The following TRIM28 variants were observed in gnomAD, a reference collection of about 807,000 sequenced individuals.
The protein encoded by TRIM28 is tripartite motif containing 28.
A neutral mutation model predicts 87.4 loss-of-function variants in TRIM28; 8 were observed. The observed-to-expected ratio is 0.09, with a 90% CI of 0.05 to 0.17. TRIM28 has a LOEUF of 0.17. Among genes scored for constraint, TRIM28 ranks in the 10% least tolerant of loss-of-function variants. The pLI is 1.00. For synonymous variants in TRIM28, 601 were observed against 454.3 expected, an observed-to-expected ratio of 1.32 and a Z score of -4.11; for missense variants, 968 against 1,131.8, an observed-to-expected ratio of 0.86 and a Z score of 2.08.
Position 58,549,680 on chromosome 19 carries a change from T to C in TRIM28, c.1982+30T>C, listed in dbSNP as rs956720963. The C allele has an allele frequency of 6.2e-7, 1 of 1,603,478 alleles. No homozygotes were observed. Among genetic ancestry groups the C allele is most frequent in the Non-Finnish European group, 8.5e-7 (1 of 1,172,312 alleles). On this transcript the variant is annotated intron_variant, in intron 13 of 16. Coordinates refer to ENST00000253024, the MANE Select transcript of TRIM28 (RefSeq NM_005762.3). The surrounding 1 kb of genome is among the most constrained non-coding windows in gnomAD (Gnocchi z 4.4). ...GTGTGAGGCTGGTGGGGGTCAAGTC[T>C]GGGTGTTGGGCTGTCTGGACAGGAT...
chr19:58,545,134 C>T (rs750919411), intron 1 of TRIM28, 37 bp downstream of exon 1: 381 of 1,385,200 alleles, frequency 2.8e-4, no homozygotes, highest in Non-Finnish European at 3.4e-4. Flanking sequence ...CCTCCCCCTA[C>T]TCTCTGCCTT....
Position 58,544,123 on chromosome 19 carries a change from G to A in TRIM28, c.-635G>A, listed in dbSNP as rs1282156790. On this transcript the variant is annotated 5_prime_UTR_variant, in exon 1 of 17. Coordinates refer to ENST00000253024, the MANE Select transcript of TRIM28 (RefSeq NM_005762.3). ...CGAAGAGACGCGGGTTGAGGAAGAG[G>A]GACGGATTGCCCATGCGCTTGGGCG... 2.0e-5 allele frequency: 3 copies of A among 152,512 alleles called. No homozygotes were observed. The highest frequency in any genetic ancestry group is 4.4e-5 in the Non-Finnish European group (3 of 68,256). The allele number at this position is 152,512 out of a possible 1,614,324, so 9.4% of individuals were successfully genotyped here.
intron 2 of TRIM28, 48 bp from the exon 3 acceptor site, chr19:58,545,716 G>A (rs1298629139): frequency 4.4e-6 from 7 of 1,583,356 alleles, no homozygotes; most frequent in Non-Finnish European, 5.2e-6. Flanking sequence ...TGTAAACGTG[G>A]ATCTATCAAG....
Position 58,548,100 on chromosome 19 carries a change from C to T in TRIM28, c.1021C>T (p.His341Tyr). 2 of 1,614,234 alleles carry T rather than the reference C, an allele frequency of 1.2e-6. No individual in the cohort carries two copies. Among genetic ancestry groups the T allele is most frequent in the Non-Finnish European group, 1.7e-6 (2 of 1,180,034 alleles). The change falls in exon 7 of 17, where the codon CAC (histidine) becomes TAC (tyrosine). Residue 341 changes from histidine (H) to tyrosine (Y), a missense_variant. This residue lies in a region of TRIM28 where 84 missense variants were observed against 139.9 expected (regional missense o/e 0.60). Transcript: ENST00000253024. Reference sequence around the variant, plus strand: ...CTGGACCATGACCAAGATCCAGAAGCACCAGGAGCACATTCTGCGCTTTGC... The same window carrying T: ...CTGGACCATGACCAAGATCCAGAAGTACCAGGAGCACATTCTGCGCTTTGC... The part of the protein sequence containing the change: ...QHWTMTKIQK[H>Y]QEHILRFASW...
At chr19:58,547,571 T>C (rs1462088815) in intron 4 of TRIM28, 26 bp from the exon 5 acceptor site, 1 of 1,613,684 alleles carries the variant, frequency 6.2e-7, no homozygotes, top group Non-Finnish European at 8.5e-7. Context: ...AGCTTAGTGC[T>C]CAGGAACACA....
rs2053782262 is a variant in TRIM28 at position 58,548,553 on chromosome 19, C to T, written c.1284C>T (p.Ala428=). The T allele has an allele frequency of 1.2e-6, 2 of 1,613,866 alleles. No individual in the cohort carries two copies. The highest frequency in any genetic ancestry group is 2.2e-5 in the East Asian group (1 of 44,864). The change falls in exon 9 of 17, where the codon GCC becomes GCT. Residue 428 remains alanine (A), a synonymous_variant. Coordinates refer to ENST00000253024, the MANE Select transcript of TRIM28 (RefSeq NM_005762.3). ...TGPAPMAPPR[A]PGPLSKQGSG... ...CTGCACCCATGGCCCCTCCAAGAGC[C>T]CCAGGGCCCCTGAGCAAGCAGGGCT...
rs1414934879 is a variant in TRIM28 at position 58,544,880 on chromosome 19, G to GGCCTCT, written c.129_134dup (p.Ser45_Ala46dup). 7.4e-7 allele frequency: 1 copy of GGCCTCT among 1,344,034 alleles called. No individual in the cohort carries two copies. Among genetic ancestry groups the GGCCTCT allele is most frequent in the African/African-American group, 1.5e-5 (1 of 64,724 alleles). 83.3% of individuals were successfully genotyped at this position (1,344,034 alleles called of 1,614,324 possible). ...CCACCGCCCCTTCGGCCGCAGCCTC[G>GGCCTCT]GCCTCTGCCTCAGCCGCGGCGTCGT... On this transcript the variant is annotated inframe_insertion, in exon 1 of 17. Coordinates refer to ENST00000253024, the MANE Select transcript of TRIM28 (RefSeq NM_005762.3).
intron 2 of TRIM28, 41 bp from the exon 3 acceptor site, chr19:58,545,723 C>A (rs777669571): frequency 6.3e-7 from 1 of 1,585,836 alleles, no homozygotes; most frequent in South Asian, 1.1e-5. Context: ...GTGGATCTAT[C>A]AAGTTGTCTT....
intron 9 of TRIM28, 28 bp downstream of exon 9, chr19:58,548,620 G>A: frequency 1.2e-6 from 2 of 1,610,620 alleles, no homozygotes; most frequent in Non-Finnish European, 1.7e-6. Context: ...CCCAGGAAGG[G>A]GTGGGCAGGG....
chr19:58,546,967 T>C (rs886748541), intron 3 of TRIM28, among the ~76,000 whole-genome samples: 1 of 149,252 alleles, frequency 6.7e-6, no homozygotes, highest in Admixed American at 6.8e-5. Context: ...AAGTTAACCA[T>C]GAAAGGAGAA....
At chr19:58,545,328 C>T (rs1019661276) in intron 1 of TRIM28, 97 bp from the exon 2 acceptor site, 3 of 1,055,042 alleles carry the variant, frequency 2.8e-6, no homozygotes, top group Non-Finnish European at 4.2e-6. Flanking sequence ...TGGTTCGCTG[C>T]GGGATAATGG....
intron 2 of TRIM28, 105 bp from the exon 3 acceptor site, chr19:58,545,659 G>A (rs891494749): frequency 9.1e-6 from 14 of 1,541,456 alleles, no homozygotes; most frequent in African/African-American, 1.4e-5. Flanking sequence ...GGCTGCCTAG[G>A]TTGGGTCAAG....
rs202134502 is a variant in TRIM28 at position 58,547,420 on chromosome 19, G to A, written c.631G>A (p.Val211Ile). ...RDGERTVYCN[V>I]HKHEPLVLFC... is the part of the protein sequence containing the mutation. ...TGGTGAACGTACTGTCTATTGCAAC[G>A]TACACAAGCATGAACCCCTTGTGCT... Residue 211 changes from valine (V) to isoleucine (I), a missense_variant, in exon 4 of 17, where the codon GTA becomes ATA. This residue lies in a region of TRIM28 where 103 missense variants were observed against 139.0 expected (regional missense o/e 0.74). Transcript: ENST00000253024. 1.3e-5 allele frequency: 21 copies of A among 1,614,026 alleles called. No individual in the cohort carries two copies. Among genetic ancestry groups the A allele is most frequent in the South Asian group, 3.3e-5 (3 of 91,078 alleles).
rs750940640 is a variant in TRIM28, at chr19:58,547,788, C to T, written c.840-4C>T. The stretch of plus-strand genomic sequence containing the variant: ...TACCTAGCCTGACCTGCTGTGTCCC[C>T]TAGAATCCGCCAGGTGTCTGACGTA... On this transcript the variant is annotated splice_region_variant and splice_polypyrimidine_tract_variant and intron_variant, in intron 5 of 16. Coordinates refer to ENST00000253024, the MANE Select transcript of TRIM28 (RefSeq NM_005762.3). The T allele has an allele frequency of 6.2e-7, 1 of 1,613,964 alleles. No homozygotes were observed. Among genetic ancestry groups the T allele is most frequent in the African/African-American group, 1.3e-5 (1 of 74,906 alleles).
In TRIM28 at chr19:58,548,315, G is replaced by C. The variant is rs2053779701; in HGVS notation, c.1123G>C (p.Ala375Pro). The C allele has an allele frequency of 6.2e-7, 1 of 1,613,978 alleles. No individual in the cohort carries two copies. The highest frequency in any genetic ancestry group is 1.7e-5 in the Admixed American group (1 of 59,992). ...KKLIYFQLHR[A>P]LKMIVDPVEP... ...CCAGATCTACTTCCAGCTGCACCGG[G>C]CCCTCAAGATGATTGTGGATCCCGT... The change falls in exon 8 of 17, where the codon GCC (alanine) becomes CCC (proline). Residue 375 changes from alanine (A) to proline (P), a missense_variant. Around this residue, in one of 11 missense-constraint regions of TRIM28, gnomAD observed 84 missense variants for 139.9 expected, o/e 0.60. Transcript: ENST00000253024.
At chr19:58,546,831 T>C (rs746761373) in intron 3 of TRIM28, among the ~76,000 whole-genome samples, 66 of 152,240 alleles carry the variant, frequency 4.3e-4, no homozygotes, top group Non-Finnish European at 7.4e-4. Context: ...AGAGGGGGTG[T>C]GACCACCATT....
chr19:58,547,722 G>T lies in TRIM28; in HGVS notation c.839+9G>T. ...AAGGAGGTTCGCAGCTCGTAAGTGT[G>T]GGTTCTGGGGCTGTGGGGGTGGCCC... On this transcript the variant is annotated intron_variant, in intron 5 of 16. Coordinates refer to ENST00000253024, the MANE Select transcript of TRIM28 (RefSeq NM_005762.3). 2 of 1,614,106 alleles carry T rather than the reference G, an allele frequency of 1.2e-6. No individual in the cohort carries two copies. The highest frequency in any genetic ancestry group is 1.7e-6 in the Non-Finnish European group (2 of 1,180,008).
chr19:58,545,297 AG>A, intron 1 of TRIM28, 127 bp from the exon 2 acceptor site: 1 of 925,590 alleles, frequency 1.1e-6, no homozygotes, highest in Non-Finnish European at 1.7e-6. Flanking sequence ...GGAGAAAAGA[AG>A]GCTCGGGGAG....
rs1369901253 is a variant in TRIM28, at chr19:58,548,996, C to T, written c.1418C>T (p.Ser473Leu). 2 of 1,614,070 alleles carry T rather than the reference C, an allele frequency of 1.2e-6. No individual in the cohort carries two copies. Among genetic ancestry groups the T allele is most frequent in the African/African-American group, 2.7e-5 (2 of 75,006 alleles). The change falls in exon 12 of 17, where the codon TCA becomes TTA. Residue 473 changes from serine to leucine, a missense_variant. Around this residue, in one of 11 missense-constraint regions of TRIM28, gnomAD observed 119 missense variants for 93.6 expected, o/e 1.27. Transcript: ENST00000253024. ...PHVSGVKRSRSGEGEVSGLMR... is the reference protein window; with the variant it reads ...PHVSGVKRSRLGEGEVSGLMR... ...GGTTGCTGCATCTACAGGTCCCGCT[C>T]AGGTGAGGGCGAGGTGAGCGGCCTT...
Sources: allele counts gnomAD v4.1 joint callset (sites outside exome capture counted in the v4.1 genomes callset), GRCh38; gene constraint gnomAD v4.1.1; regional missense constraint gnomAD v4.1.1; non-coding constraint Gnocchi (gnomAD v3.1); transcripts MANE v1.5; gene names NCBI Gene and HGNC (gene_info 2026-07-23, HGNC 2026-07-21).